Variants in FLVCR2 observed in about 807,000 individuals in gnomAD.
FLVCR2 encodes FLVCR choline and putative heme transporter 2.
FLVCR2 carries 38 observed loss-of-function variants against 48.9 expected under a neutral mutation model. The observed-to-expected ratio is 0.78, with a 90% confidence interval of 0.60 to 1.02. The LOEUF (loss-of-function observed/expected upper bound fraction) is 1.02, where lower values mean the gene tolerates loss of function less well. Among genes scored for constraint, FLVCR2 ranks in the 50% least tolerant of loss-of-function variants. FLVCR2 has a pLI of 0.00. For missense variants in FLVCR2, 664 were observed against 663.3 expected (o/e 1.00, Z -0.01); for synonymous variants, 255 against 257.0 (o/e 0.99, Z 0.07).
At chr14:75,581,129 G>A (rs1888593075) in intron 1 of FLVCR2, among the ~76,000 whole-genome samples, 1 of 152,144 alleles carries the variant, frequency 6.6e-6, no homozygotes, top group South Asian at 2.1e-4. Flanking sequence ...GATACTGTGG[G>A]GTTGTTAGAA....
chr14:75,634,296 C>T (rs929852416), intron 4 of FLVCR2, among the ~76,000 whole-genome samples: 1 of 152,108 alleles, frequency 6.6e-6, no homozygotes, highest in Admixed American at 6.6e-5. Context: ...GAGTTCAGAT[C>T]CTAGCTTTGA....
rs549958925 is a variant in FLVCR2 at position 75,589,606 on chromosome 14, A to AT, written c.669+9966dup. On this transcript the variant is annotated intron_variant, in intron 1 of 9. Transcript: ENST00000238667. ...GGGTCTTGGTGATAGCCACACTTCC[A>AT]TGGCTCCACTAGGCATTACCCTTGT... Among the ~76,000 whole-genome samples the AT allele has an allele frequency of 2.3e-3, 345 of 152,156 alleles. 1 individual carries two copies. Among genetic ancestry groups the AT allele is most frequent in the African/African-American group, 7.9e-3 (329 of 41,528 alleles).
At chr14:75,613,087 G>A (rs190750912) in intron 1 of FLVCR2, among the ~76,000 whole-genome samples, 2 of 152,324 alleles carry the variant, frequency 1.3e-5, no homozygotes, top group East Asian at 1.9e-4. Flanking sequence ...GGCAATGAGT[G>A]TGGAAGTCAC....
intron 1 of FLVCR2, among the ~76,000 whole-genome samples, chr14:75,580,436 G>A (rs1204117479): frequency 6.6e-6 from 1 of 152,220 alleles, no homozygotes; most frequent in Non-Finnish European, 1.5e-5. Context: ...CTGCCTCCCA[G>A]TCTCGCATCT....
rs988099175 is a variant in FLVCR2 at position 75,621,262 on chromosome 14, T to G, written c.670-817T>G. 3.9e-5 allele frequency among the ~76,000 whole-genome samples: 6 copies of G among 152,048 alleles called. No individual in the cohort carries two copies. The Middle Eastern group carries it at 0.014, about 347-fold the overall frequency. On this transcript the variant is annotated intron_variant, in intron 1 of 9. Coordinates refer to ENST00000238667, the MANE Select transcript of FLVCR2 (RefSeq NM_017791.3). ...CCCGTCTCTACTAAAAATACAAAAATTAGCCAGGTGTGGCGCACGCCTGTA... is the reference window on the plus strand; with the variant it reads ...CCCGTCTCTACTAAAAATACAAAAAGTAGCCAGGTGTGGCGCACGCCTGTA...
At chr14:75,590,242 C>G (rs942505023) in intron 1 of FLVCR2, among the ~76,000 whole-genome samples, 3 of 152,202 alleles carry the variant, frequency 2.0e-5, no homozygotes, top group Non-Finnish European at 2.9e-5. Context: ...TGACAACTCA[C>G]TACTGTGAGA....
Position 75,622,131 on chromosome 14 carries a change from A to G in FLVCR2, c.722A>G (p.Glu241Gly), listed in dbSNP as rs764503213. ...LVPPVLVPNI[E>G]DRDELAYHIS... is the part of the protein sequence containing the mutation. Reference sequence around the variant, plus strand: ...CCTCCTGTTTTGGTACCCAACATTGAAGACCGGGACGAGCTTGCCTACCAC... The same window carrying G: ...CCTCCTGTTTTGGTACCCAACATTGGAGACCGGGACGAGCTTGCCTACCAC... The change falls in exon 2 of 10, where the codon GAA becomes GGA. Residue 241 changes from glutamate to glycine, a missense_variant. Glu to Gly is a moderately conservative substitution (Grantham distance 98, BLOSUM62 -2). Coordinates refer to ENST00000238667, the MANE Select transcript of FLVCR2 (RefSeq NM_017791.3). The G allele has an allele frequency of 2.2e-5, 35 of 1,613,964 alleles. No individual in the cohort carries two copies. The highest frequency in any genetic ancestry group is 2.9e-5 in the Non-Finnish European group (34 of 1,180,018).
At chr14:75,598,629 C>T (rs1407789213) in intron 1 of FLVCR2, among the ~76,000 whole-genome samples, 1 of 152,142 alleles carries the variant, frequency 6.6e-6, no homozygotes, top group East Asian at 1.9e-4. Flanking sequence ...GTATGTGCCA[C>T]CATGCCTGGC....
Position 75,641,008 on chromosome 14 carries a change from C to G in FLVCR2, c.1289C>G (p.Thr430Arg), listed in dbSNP as rs267606825. ...PLGFEFAVEL[T>R]YPESEGISSG... Reference sequence around the variant, plus strand: ...GGATTTGAGTTTGCTGTGGAGCTCACGTACCCAGAATCAGAAGGCATCTCC... The same window carrying G: ...GGATTTGAGTTTGCTGTGGAGCTCAGGTACCCAGAATCAGAAGGCATCTCC... The change falls in exon 7 of 10, where the codon ACG becomes AGG. Residue 430 changes from threonine to arginine, a missense_variant. Physicochemically the swap from Thr to Arg is moderately conservative, Grantham distance 71. Transcript: ENST00000238667. 11 of 1,614,072 alleles carry G rather than the reference C, an allele frequency of 6.8e-6. No homozygotes were observed. In the South Asian group the frequency reaches 1.2e-4, roughly 18 times the overall value.
intron 1 of FLVCR2, among the ~76,000 whole-genome samples, chr14:75,581,675 C>T (rs969461472): frequency 5.3e-5 from 8 of 152,178 alleles, no homozygotes; most frequent in African/African-American, 1.7e-4. Context: ...TCTACCCAGA[C>T]CAAGAGGTAT....
chr14:75,607,706 C>T (rs563668130), intron 1 of FLVCR2, among the ~76,000 whole-genome samples: 13 of 152,062 alleles, frequency 8.5e-5, no homozygotes, highest in African/African-American at 1.9e-4. Context: ...GGTAATATAT[C>T]GGATGTGTAG....
chr14:75,608,606 C>T (rs1437893097), intron 1 of FLVCR2, among the ~76,000 whole-genome samples: 1 of 152,164 alleles, frequency 6.6e-6, no homozygotes, highest in Admixed American at 6.5e-5. Context: ...CAAGTTTTCT[C>T]GCAGCCCCTC....
rs530852996 is a variant in FLVCR2, at chr14:75,637,258, T to C, written c.1125-2094T>C. ...TCTTCATTGGTAAAATGAGAAATCATCAGATATTTCTTACAGGATTTTTGT... is the reference window on the plus strand; with the variant it reads ...TCTTCATTGGTAAAATGAGAAATCACCAGATATTTCTTACAGGATTTTTGT... On this transcript the variant is annotated intron_variant, in intron 5 of 9. Transcript: ENST00000238667. Among the ~76,000 whole-genome samples, 3 of 152,342 alleles carry C rather than the reference T, an allele frequency of 2.0e-5. No homozygotes were observed. In the East Asian group the frequency reaches 5.8e-4, roughly 29 times the overall value.
At position 75,647,215 on chromosome 14, in the gene FLVCR2, T is replaced by C. The variant is rs1890441343; in HGVS notation, c.*743T>C. ...GAGTATATTTGTGAAAGCACATATT[T>C]GGGAACTCTGGTAGCTTGAGTTGGG... On this transcript the variant is annotated 3_prime_UTR_variant, in exon 10 of 10. Coordinates refer to ENST00000238667, the MANE Select transcript of FLVCR2 (RefSeq NM_017791.3). 6.6e-6 allele frequency: 1 copy of C among 152,438 alleles called. No homozygotes were observed. The highest frequency in any genetic ancestry group is 1.5e-5 in the Non-Finnish European group (1 of 68,232). The allele number at this position is 152,438 out of a possible 1,614,324, so 9.4% of individuals were successfully genotyped here.
intron 1 of FLVCR2, among the ~76,000 whole-genome samples, chr14:75,585,312 A>G (rs1419853080): frequency 6.6e-6 from 1 of 152,212 alleles, no homozygotes; most frequent in East Asian, 1.9e-4. Flanking sequence ...AAAATTATCT[A>G]GATCTTGTAG....
intron 1 of FLVCR2, chr14:75,595,964 A>T (rs951441462): frequency 3.3e-6 from 5 of 1,519,350 alleles, no homozygotes; most frequent in Non-Finnish European, 4.5e-6. Context: ...TTTTCTTTGC[A>T]TAATCCAGGG....
At chr14:75,604,112 C>G (rs1889232559) in intron 1 of FLVCR2, 1 of 152,200 alleles carries the variant, frequency 6.6e-6, no homozygotes, top group African/African-American at 2.4e-5. Flanking sequence ...GTGGAAAAAG[C>G]TACTGAATCC....
intron 1 of FLVCR2, among the ~76,000 whole-genome samples, chr14:75,588,223 G>A (rs184631051): frequency 4.3e-4 from 66 of 152,290 alleles, no homozygotes; most frequent in Admixed American, 7.8e-4. Context: ...AGTTTGAGAG[G>A]CTGGGCAGTC....
At chr14:75,645,033 GGTGT>G (rs71119379) in intron 9 of FLVCR2, among the ~76,000 whole-genome samples, 457 of 13,046 alleles carry the variant, frequency 0.035, 3 homozygotes, top group Middle Eastern at 0.19. Flanking sequence ...AGGCGGGCGT[GGTGT>G]GTGTGTGTGT....
Sources: allele counts gnomAD v4.1 joint callset (sites outside exome capture counted in the v4.1 genomes callset), GRCh38; gene constraint gnomAD v4.1.1; transcripts MANE v1.5; gene names NCBI Gene and HGNC (gene_info 2026-07-23, HGNC 2026-07-21).